The following REDIC1 variants were observed in gnomAD, a reference collection of about 807,000 sequenced individuals.
The protein encoded by REDIC1 is regulator of DNA class I crossover intermediates 1, also known as HEI10 Interacting Protein 1.
chr12:39,872,314 C>T, the REDIC1 span, among the ~76,000 whole-genome samples: 1 of 152,110 alleles, frequency 6.6e-6, no homozygotes, highest in Non-Finnish European at 1.5e-5. Flanking sequence ...TTATATTAAG[C>T]TGCAAGTCCA....
chr12:39,737,152 T>G, the REDIC1 span, among the ~76,000 whole-genome samples: 3 of 152,338 alleles, frequency 2.0e-5, no homozygotes, highest in Admixed American at 2.0e-4. Context: ...TGATACTCAA[T>G]AACTCCAGTT....
chr12:39,873,184 A>G, the REDIC1 span, among the ~76,000 whole-genome samples: 3 of 152,190 alleles, frequency 2.0e-5, no homozygotes, highest in Non-Finnish European at 4.4e-5. Context: ...TAAATTAACT[A>G]TGTAGCATGA....
the REDIC1 span, among the ~76,000 whole-genome samples, chr12:39,712,692 TATACGTGTATATATGTATATAG>T: frequency 5.4e-4 from 2 of 3,728 alleles, no homozygotes; most frequent in African/African-American, 2.2e-3. Flanking sequence ...TATATATACG[TATACGTGTATATATGTATATAG>T]ACGTATACGT....
At chr12:39,690,372 A>ATGGGAAC in the REDIC1 span, among the ~76,000 whole-genome samples, 59 of 152,328 alleles carry the variant, frequency 3.9e-4, no homozygotes, top group African/African-American at 1.0e-3. Flanking sequence ...GTTAAAATAC[A>ATGGGAAC]ATTGTTAACA....
At chr12:39,626,993 G>C in the REDIC1 span, among the ~76,000 whole-genome samples, 161 of 152,312 alleles carry the variant, frequency 1.1e-3, 1 homozygote, top group African/African-American at 3.6e-3. Flanking sequence ...TTAAAGTCCA[G>C]CTGGGTGGAA....
chr12:39,698,889 G>C, the REDIC1 span, among the ~76,000 whole-genome samples: 1 of 152,006 alleles, frequency 6.6e-6, no homozygotes, highest in Non-Finnish European at 1.5e-5. Context: ...CAAAAAAGAA[G>C]AAAAACCACA....
the REDIC1 span, among the ~76,000 whole-genome samples, chr12:39,866,509 C>T: frequency 6.6e-6 from 1 of 151,772 alleles, no homozygotes; most frequent in Non-Finnish European, 1.5e-5. Context: ...GAGACGGAGT[C>T]TCGCTGTCGC....
At chr12:39,844,818 A>G in the REDIC1 span, among the ~76,000 whole-genome samples, 1 of 152,058 alleles carries the variant, frequency 6.6e-6, no homozygotes, top group East Asian at 1.9e-4. Context: ...ACCTAAAGAA[A>G]GAAAAATTTA....
the REDIC1 span, among the ~76,000 whole-genome samples, chr12:39,789,634 C>T: frequency 7.4e-4 from 112 of 152,182 alleles, no homozygotes; most frequent in South Asian, 2.1e-3. Context: ...CAAACTGTGT[C>T]GTAAGAAGTT....
chr12:39,753,474 T>C, the REDIC1 span, among the ~76,000 whole-genome samples: 48 of 152,258 alleles, frequency 3.2e-4, 1 homozygote, highest in East Asian at 7.5e-3. Flanking sequence ...GGAAGGTTGT[T>C]CTTTTCATCA....
chr12:39,740,458 G>T, the REDIC1 span, among the ~76,000 whole-genome samples: 4 of 152,104 alleles, frequency 2.6e-5, no homozygotes, highest in Non-Finnish European at 5.9e-5. Flanking sequence ...CAAATTAATA[G>T]GAAATAGGCA....
At chr12:39,680,162 G>T in the REDIC1 span, among the ~76,000 whole-genome samples, 1 of 152,128 alleles carries the variant, frequency 6.6e-6, no homozygotes, top group South Asian at 2.1e-4. Context: ...AATCTGCACA[G>T]CAAAAGAAAT....
the REDIC1 span, among the ~76,000 whole-genome samples, chr12:39,802,732 C>T: frequency 6.6e-6 from 1 of 151,878 alleles, no homozygotes; most frequent in South Asian, 2.1e-4. Flanking sequence ...TATAAAGATA[C>T]AGAGATAAAG....
At chr12:39,638,294 G>A in the REDIC1 span, among the ~76,000 whole-genome samples, 1 of 151,934 alleles carries the variant, frequency 6.6e-6, no homozygotes. Flanking sequence ...AGCTGCAGCA[G>A]GATTGAATTT....
the REDIC1 span, among the ~76,000 whole-genome samples, chr12:39,702,746 G>A: frequency 6.6e-6 from 1 of 152,072 alleles, no homozygotes; most frequent in South Asian, 2.1e-4. Context: ...ATGATGAAGT[G>A]GACTTCATCC....
the REDIC1 span, among the ~76,000 whole-genome samples, chr12:39,790,995 T>C: frequency 1.4e-5 from 1 of 71,714 alleles, no homozygotes; most frequent in Non-Finnish European, 2.8e-5. Context: ...TCTTCATGTG[T>C]TTTTTGGCTG....
the REDIC1 span, chr12:39,647,951 G>A: frequency 6.4e-7 from 1 of 1,568,586 alleles, no homozygotes; most frequent in Non-Finnish European, 8.6e-7. Flanking sequence ...TCAGAAACTT[G>A]CATATGAAAA....
the REDIC1 span, among the ~76,000 whole-genome samples, chr12:39,722,786 A>G: frequency 2.0e-5 from 3 of 152,158 alleles, no homozygotes; most frequent in South Asian, 2.1e-4. Context: ...GTAGTGCAGT[A>G]AAGAATTTAA....
At chr12:39,878,008 T>C in the REDIC1 span, among the ~76,000 whole-genome samples, 3 of 152,190 alleles carry the variant, frequency 2.0e-5, no homozygotes, top group African/African-American at 7.2e-5. Flanking sequence ...TACTGCTTGC[T>C]CCTGCTTTTG....
Sources: allele counts gnomAD v4.1 joint callset (sites outside exome capture counted in the v4.1 genomes callset), GRCh38; gene constraint gnomAD v4.1.1; transcripts MANE v1.5; gene names NCBI Gene and HGNC (gene_info 2026-07-23, HGNC 2026-07-21).